INTS4: variants seen among roughly 807,000 people sequenced by gnomAD.
The protein encoded by INTS4 is MSTP093.
Under a neutral mutation model 119.5 loss-of-function variants are expected in INTS4, and 70 were observed. That is an observed-to-expected ratio of 0.59 (90% confidence interval 0.48 to 0.71). INTS4 has a LOEUF of 0.71. Among genes scored for constraint, INTS4 ranks in the 30% least tolerant of loss-of-function variants. The pLI, the probability that INTS4 is intolerant of heterozygous loss-of-function variation, is 0.00. For synonymous variants in INTS4, 316 were observed against 419.6 expected, an observed-to-expected ratio of 0.75 and a Z score of 3.02; for missense variants, 867 against 1,173.2, an observed-to-expected ratio of 0.74 and a Z score of 3.81.
intron 4 of INTS4, among the ~76,000 whole-genome samples, chr11:77,964,950 G>T (rs1234205333): frequency 1.3e-5 from 2 of 151,864 alleles, no homozygotes; most frequent in Non-Finnish European, 2.9e-5. Flanking sequence ...TATATTTTTG[G>T]GATACAATGT....
intron 11 of INTS4, among the ~76,000 whole-genome samples, chr11:77,926,867 AAAG>A (rs1481347179): frequency 2.6e-5 from 4 of 151,994 alleles, no homozygotes; most frequent in African/African-American, 9.7e-5. Context: ...AAGGAAAAGA[AAAG>A]AAAAGTCAAG....
intron 3 of INTS4, among the ~76,000 whole-genome samples, chr11:77,979,599 G>C (rs760516446): frequency 1.3e-5 from 2 of 151,794 alleles, no homozygotes; most frequent in East Asian, 1.9e-4. Context: ...CCACGGGATA[G>C]AGTACAGTTC....
intron 16 of INTS4, among the ~76,000 whole-genome samples, 159 bp downstream of exon 16, chr11:77,907,558 T>C (rs1431447297): frequency 6.6e-6 from 1 of 152,224 alleles, no homozygotes. Flanking sequence ...TTTCGTTAAT[T>C]AGAGACAAAT....
At chr11:77,937,080 C>T (rs1341329123) in intron 10 of INTS4, among the ~76,000 whole-genome samples, 2 of 151,714 alleles carry the variant, frequency 1.3e-5, no homozygotes, top group Non-Finnish European at 2.9e-5. Context: ...GAAGCTGAAG[C>T]ATGAGAATTG....
At chr11:77,970,006 G>A (rs537035971) in intron 4 of INTS4, among the ~76,000 whole-genome samples, 1 of 152,120 alleles carries the variant, frequency 6.6e-6, no homozygotes, top group African/African-American at 2.4e-5. Flanking sequence ...TCTTTTTAAT[G>A]GGCAAATAAT....
intron 2 of INTS4, among the ~76,000 whole-genome samples, chr11:77,990,189 T>TCCAGGCTGAGTGACAGA (rs1856614482): frequency 7.6e-6 from 1 of 132,414 alleles, no homozygotes; most frequent in Admixed American, 8.4e-5. Flanking sequence ...ACCACTATAC[T>TCCAGGCTGAGTGACAGA]CCAGGCTGAG....
Position 77,900,036 on chromosome 11 carries a change from G to GT in INTS4, c.2228+1384dup, listed in dbSNP as rs1227870578. 4.0e-5 allele frequency among the ~76,000 whole-genome samples: 6 copies of GT among 151,720 alleles called. No individual in the cohort carries two copies. The East Asian group carries it at 1.2e-3, about 29-fold the overall frequency. On this transcript the variant is annotated intron_variant, in intron 18 of 22. Transcript: ENST00000534064. ...TATAGATGCCATCACAAGCACCTTTGTTTTTTCAGCTATAACTGGCACATA... is the reference window on the plus strand; with the variant it reads ...TATAGATGCCATCACAAGCACCTTTGTTTTTTTCAGCTATAACTGGCACATA...
At chr11:77,980,075 T>C (rs1856145435) in intron 3 of INTS4, among the ~76,000 whole-genome samples, 1 of 151,344 alleles carries the variant, frequency 6.6e-6, no homozygotes, top group South Asian at 2.1e-4. Context: ...AATACATACA[T>C]ACCAGGCCTT....
intron 18 of INTS4, among the ~76,000 whole-genome samples, chr11:77,899,093 G>A (rs1952663189): frequency 6.6e-6 from 1 of 152,108 alleles, no homozygotes; most frequent in Non-Finnish European, 1.5e-5. Context: ...ACCCTGTGAG[G>A]AAGAGATAGG....
chr11:77,991,332 A>T (rs1472977319), intron 1 of INTS4, 33 bp from the exon 2 acceptor site: 4 of 1,552,124 alleles, frequency 2.6e-6, no homozygotes, highest in Middle Eastern at 1.7e-4. Context: ...AAAACACAGA[A>T]TCTGCAAATT....
chr11:77,907,399 G>C (rs527646057), intron 16 of INTS4, among the ~76,000 whole-genome samples: 72 of 152,228 alleles, frequency 4.7e-4, no homozygotes, highest in African/African-American at 1.7e-3. Flanking sequence ...TAAGAAGATA[G>C]TCTAAAACTT....
At chr11:77,956,705 TC>T in intron 7 of INTS4, among the ~76,000 whole-genome samples, 2 of 76,330 alleles carry the variant, frequency 2.6e-5, no homozygotes, top group African/African-American at 5.2e-5. Flanking sequence ...AGACTCCATC[TC>T]AAAAAATAAT....
chr11:77,877,046 A>G (rs567368441), downstream of INTS4: 5 of 702,990 alleles, frequency 7.1e-6, no homozygotes, highest in African/African-American at 3.5e-5. Context: ...GAGATGCAAA[A>G]CAGGTAAGCA....
chr11:77,878,215 A>G (rs1415999805), downstream of INTS4, among the ~76,000 whole-genome samples: 2 of 152,100 alleles, frequency 1.3e-5, no homozygotes, highest in African/African-American at 2.4e-5. Flanking sequence ...ACAAAAAATT[A>G]GCAAGGCGTG....
At chr11:77,899,208 T>G (rs1390466055) in intron 18 of INTS4, among the ~76,000 whole-genome samples, 2 of 152,074 alleles carry the variant, frequency 1.3e-5, no homozygotes, top group Non-Finnish European at 2.9e-5. Context: ...AGTCAAGATG[T>G]GAACCCAAGC....
At chr11:77,899,437 C>T (rs1246162986) in intron 18 of INTS4, among the ~76,000 whole-genome samples, 3 of 151,908 alleles carry the variant, frequency 2.0e-5, no homozygotes, top group Non-Finnish European at 2.9e-5. Context: ...TCTGGGAGGC[C>T]GAGTCGGGTG....
At chr11:77,934,100 C>G (rs372256634) in intron 10 of INTS4, among the ~76,000 whole-genome samples, 1 of 151,968 alleles carries the variant, frequency 6.6e-6, no homozygotes, top group South Asian at 2.1e-4. Context: ...CCCCCAACCC[C>G]GTGCTCTCTG....
In INTS4 at chr11:77,960,982, G is replaced by A. The variant is rs759046434; in HGVS notation, c.628C>T (p.Arg210Cys). 25 of 1,610,950 alleles carry A rather than the reference G, an allele frequency of 1.6e-5. No individual in the cohort carries two copies. Among genetic ancestry groups the A allele is most frequent in the Non-Finnish European group, 1.9e-5 (22 of 1,178,696 alleles). The change falls in exon 5 of 23, where the codon CGT (arginine) becomes TGT (cysteine). Residue 210 changes from arginine (R) to cysteine (C), a missense_variant. Arg to Cys is a radical substitution (Grantham distance 180). This residue lies in a region of INTS4 where 208 missense variants were observed against 306.6 expected (regional missense o/e 0.68). Transcript: ENST00000534064. ...IGDYFSDQDP[R>C]VRTAAIKAML... is the part of the protein sequence containing the mutation. ...GCTTTTATAGCTGCTGTTCTGACACGTGGGTCTTGGTCACTGAAGTAATCC... is the reference window on the plus strand; with the variant it reads ...GCTTTTATAGCTGCTGTTCTGACACATGGGTCTTGGTCACTGAAGTAATCC...
At chr11:77,915,499 C>A (rs1953185409) in intron 15 of INTS4, among the ~76,000 whole-genome samples, 1 of 152,172 alleles carries the variant, frequency 6.6e-6, no homozygotes, top group African/African-American at 2.4e-5. Flanking sequence ...GCTGCACCCA[C>A]CTACCCAGCA....
Sources: gnomAD v4.1 joint callset for allele counts (sites outside exome capture counted in the v4.1 genomes callset) on GRCh38, gnomAD v4.1.1 for gene constraint, gnomAD v4.1.1 regional missense constraint, MANE v1.5 for transcripts, NCBI Gene and HGNC (gene_info 2026-07-23, HGNC 2026-07-21) for gene names.